Variants in RIPOR2 observed in about 807,000 individuals in gnomAD.
RIPOR2 encodes the protein rho family-interacting cell polarization regulator 2.
In RIPOR2, 39 loss-of-function variants were observed where a neutral mutation model predicts 114.5. That is an observed-to-expected ratio of 0.34 (90% CI 0.26 to 0.44). The LOEUF is 0.44. RIPOR2 is among the 20% of genes least tolerant of loss of function. The probability of loss-of-function intolerance (pLI) is 1.00; values close to 1 mark genes in which losing one functional copy is unlikely to be tolerated. For missense variants in RIPOR2, 1,007 were observed against 1,255.1 expected (o/e 0.80, Z 2.99); for synonymous variants, 445 against 484.4 (o/e 0.92, Z 1.07).
At chr6:24,833,672 G>A (rs558937596) in intron 15 of RIPOR2, among the ~76,000 whole-genome samples, 29 of 152,182 alleles carry the variant, frequency 1.9e-4, no homozygotes, top group Admixed American at 4.6e-4. Flanking sequence ...TCTCTCTGTG[G>A]TTATATAACT....
intron 1 of RIPOR2, among the ~76,000 whole-genome samples, chr6:25,016,439 A>T (rs1214190623): frequency 6.6e-6 from 1 of 152,232 alleles, no homozygotes; most frequent in Non-Finnish European, 1.5e-5. Context: ...AACTCTATTC[A>T]TGAGAAGTAA....
At chr6:24,872,515 G>A (rs1385112298) in intron 4 of RIPOR2, among the ~76,000 whole-genome samples, 1 of 152,080 alleles carries the variant, frequency 6.6e-6, no homozygotes, top group Non-Finnish European at 1.5e-5. Flanking sequence ...TACCGTGCCT[G>A]GACCCAAATT....
At chr6:24,962,212 A>G (rs1173271567) in intron 1 of RIPOR2, among the ~76,000 whole-genome samples, 1 of 152,230 alleles carries the variant, frequency 6.6e-6, no homozygotes, top group Non-Finnish European at 1.5e-5. Flanking sequence ...AAGAAAAGTA[A>G]GAATATCTGG....
intron 1 of RIPOR2, 56 bp from the exon 2 acceptor site, chr6:24,875,873 C>T: frequency 6.7e-7 from 1 of 1,502,802 alleles, no homozygotes; most frequent in South Asian, 1.2e-5. Flanking sequence ...ACAGAAGATG[C>T]ACTAAGCTTG....
chr6:24,962,758 C>T lies in RIPOR2; in HGVS notation c.76+79093G>A, dbSNP rs1392395697. Among the ~76,000 whole-genome samples the T allele has an allele frequency of 4.6e-5, 7 of 152,236 alleles. No homozygotes were observed. In the East Asian group the frequency reaches 1.2e-3, roughly 25 times the overall value. ...ACATAAAAAGGTGACAAAATTCATC[C>T]TGGCTTCCTTAGTCTTGTGAAAATC... On this transcript the variant is annotated intron_variant, in intron 1 of 13. Transcript: ENST00000510784.
upstream of RIPOR2, among the ~76,000 whole-genome samples, chr6:24,940,737 C>T (rs1027765577): frequency 6.6e-6 from 1 of 152,066 alleles, no homozygotes; most frequent in Non-Finnish European, 1.5e-5. Context: ...CCTCCACCTC[C>T]CGGGTTCAAG....
chr6:24,932,282 G>A (rs1338671489), intron 1 of RIPOR2, among the ~76,000 whole-genome samples: 1 of 151,854 alleles, frequency 6.6e-6, no homozygotes, highest in African/African-American at 2.4e-5. Context: ...TCTAAATGAC[G>A]TGATGATGTT....
chr6:24,901,125 A>G (rs1414649844), intron 1 of RIPOR2, among the ~76,000 whole-genome samples: 2 of 152,056 alleles, frequency 1.3e-5, no homozygotes, highest in East Asian at 3.9e-4. Flanking sequence ...CCATATGCAG[A>G]ATCTTATGTG....
chr6:24,912,353 C>T (rs186954059), intron 1 of RIPOR2, among the ~76,000 whole-genome samples: 3 of 152,012 alleles, frequency 2.0e-5, no homozygotes, highest in Non-Finnish European at 4.4e-5. Context: ...CACCCTGCAA[C>T]TTATCTGCAA....
At chr6:24,903,703 A>C (rs1253391559) in intron 1 of RIPOR2, among the ~76,000 whole-genome samples, 1 of 152,196 alleles carries the variant, frequency 6.6e-6, no homozygotes, top group African/African-American at 2.4e-5. Flanking sequence ...ATCAAGATAA[A>C]TGGGGGTATC....
At chr6:24,962,881 T>C (rs1773365662) in intron 1 of RIPOR2, among the ~76,000 whole-genome samples, 1 of 152,124 alleles carries the variant, frequency 6.6e-6, no homozygotes, top group African/African-American at 2.4e-5. Flanking sequence ...TGATTGGAAG[T>C]GGAAAAATGA....
intron 1 of RIPOR2, among the ~76,000 whole-genome samples, chr6:24,885,026 T>C (rs1316354731): frequency 6.6e-6 from 1 of 152,192 alleles, no homozygotes; most frequent in Non-Finnish European, 1.5e-5. Flanking sequence ...TTATTAAGTA[T>C]ATATTATATG....
intron 1 of RIPOR2, among the ~76,000 whole-genome samples, chr6:24,888,907 G>A (rs762924258): frequency 6.6e-5 from 10 of 152,152 alleles, no homozygotes; most frequent in African/African-American, 9.7e-5. Flanking sequence ...CTATGATCAC[G>A]GCCTTTGTTT....
At chr6:24,886,167 CTA>C (rs1243922707) in intron 1 of RIPOR2, among the ~76,000 whole-genome samples, 1 of 152,072 alleles carries the variant, frequency 6.6e-6, no homozygotes, top group African/African-American at 2.4e-5. Context: ...TTCCCAAATC[CTA>C]TGAGACTAAT....
At chr6:24,847,992 T>C in intron 12 of RIPOR2, 33 bp downstream of exon 12, 1 of 1,613,592 alleles carries the variant, frequency 6.2e-7, no homozygotes, top group Non-Finnish European at 8.5e-7. Context: ...CTCAGGTGCA[T>C]TGATTCTACT....
At chr6:24,840,918 G>C in intron 13 of RIPOR2, 2 of 764,602 alleles carry the variant, frequency 2.6e-6, no homozygotes, top group East Asian at 2.7e-5. Context: ...CAGGGAGTCG[G>C]TCTTGACTTC....
intron 1 of RIPOR2, among the ~76,000 whole-genome samples, chr6:24,998,939 G>A (rs1775171590): frequency 6.6e-6 from 1 of 151,976 alleles, no homozygotes; most frequent in Admixed American, 6.6e-5. Flanking sequence ...GAACATTTTT[G>A]GGTGAATGTA....
intron 1 of RIPOR2, among the ~76,000 whole-genome samples, chr6:24,963,724 G>A (rs537383728): frequency 1.3e-4 from 18 of 141,280 alleles, no homozygotes; most frequent in Admixed American, 9.1e-4. Flanking sequence ...AAAGGTGTAC[G>A]TATGTTTGTG....
Position 24,830,551 on chromosome 6 carries a change from C to T in RIPOR2, c.2464G>A (p.Ala822Thr). 2 of 1,551,246 alleles carry T rather than the reference C, an allele frequency of 1.3e-6. No homozygotes were observed. Among genetic ancestry groups the T allele is most frequent in the Non-Finnish European group, 8.7e-7 (1 of 1,146,936 alleles). The change falls in exon 17 of 22, where the codon GCC (alanine) becomes ACC (threonine). Residue 822 changes from alanine (A) to threonine (T), a missense_variant. Physicochemically the swap from Ala to Thr is moderately conservative, Grantham distance 58 (BLOSUM62 0). Coordinates refer to ENST00000643898, the MANE Select transcript of RIPOR2 (RefSeq NM_001286445.3). ...RVMKQLEASF[A>T]RTVNKEYPGL... Reference sequence around the variant, plus strand: ...GGATATTCTTTGTTGACAGTTCTGGCAAAGCTGGCCTCCAGCTGCTTCATC... The same window carrying T: ...GGATATTCTTTGTTGACAGTTCTGGTAAAGCTGGCCTCCAGCTGCTTCATC...
Sources: gnomAD v4.1 joint callset for allele counts (sites outside exome capture counted in the v4.1 genomes callset) on GRCh38, gnomAD v4.1.1 for gene constraint, MANE v1.5 for transcripts, NCBI Gene and HGNC (gene_info 2026-07-23, HGNC 2026-07-21) for gene names.